The following ZNF512 variants were observed in gnomAD, a reference collection of about 807,000 sequenced individuals.
ZNF512 encodes the protein zinc finger protein 512.
ZNF512 carries 25 observed loss-of-function variants against 77.5 expected under a neutral mutation model. The observed-to-expected ratio is 0.32, with a 90% CI of 0.23 to 0.45. The LOEUF is 0.45. Among genes scored for constraint, ZNF512 ranks in the 20% least tolerant of loss-of-function variants. ZNF512 has a pLI of 1.00. For synonymous variants in ZNF512, 246 were observed against 239.9 expected (o/e 1.03, Z -0.24); for missense variants, 483 against 692.6 (o/e 0.70, Z 3.40).
intron 9 of ZNF512, among the ~76,000 whole-genome samples, chr2:27,604,868 C>A (rs1259362469): frequency 6.6e-6 from 1 of 152,206 alleles, no homozygotes; most frequent in Non-Finnish European, 1.5e-5. Flanking sequence ...CCAGCTACAG[C>A]CTCTGGCAAC....
chr2:27,583,247 C>T, intron 1 of ZNF512, 105 bp downstream of exon 1: 1 of 1,516,472 alleles, frequency 6.6e-7, no homozygotes, highest in Non-Finnish European at 9.2e-7. Context: ...TATCAGAGGC[C>T]ATCGTAGGCC....
intron 2 of ZNF512, 64 bp from the exon 3 acceptor site, chr2:27,598,003 A>G: frequency 7.3e-7 from 1 of 1,365,342 alleles, no homozygotes; most frequent in Non-Finnish European, 9.8e-7. Flanking sequence ...TTATAATGTA[A>G]AAGAATGTAT....
chr2:27,586,923 A>T (rs1032571627), intron 2 of ZNF512, among the ~76,000 whole-genome samples: 1 of 152,190 alleles, frequency 6.6e-6, no homozygotes, highest in African/African-American at 2.4e-5. Flanking sequence ...ATTGCTGGGT[A>T]GAATTCCATT....
chr2:27,612,660 T>G (rs1160902839), intron 10 of ZNF512, among the ~76,000 whole-genome samples: 1 of 152,232 alleles, frequency 6.6e-6, no homozygotes. Flanking sequence ...GTATATTTAC[T>G]TATTTACTCA....
At chr2:27,617,733 T>A (rs773413472) in intron 13 of ZNF512, among the ~76,000 whole-genome samples, 162 bp downstream of exon 13, 3 of 152,130 alleles carry the variant, frequency 2.0e-5, no homozygotes, top group Non-Finnish European at 4.4e-5. Flanking sequence ...ATAATTGTAT[T>A]TTTCTGTGAA....
intron 2 of ZNF512, among the ~76,000 whole-genome samples, chr2:27,584,855 G>A (rs1434166652): frequency 6.6e-6 from 1 of 152,176 alleles, no homozygotes; most frequent in Non-Finnish European, 1.5e-5. Flanking sequence ...AGACCATGGA[G>A]GACCTGTTAC....
At chr2:27,609,955 C>T (rs566443388) in intron 10 of ZNF512, among the ~76,000 whole-genome samples, 6 of 151,962 alleles carry the variant, frequency 3.9e-5, no homozygotes, top group East Asian at 1.9e-4. Context: ...GCAGGAGAAT[C>T]GTTTGAAACT....
At chr2:27,588,340 TA>T (rs920369704) in intron 2 of ZNF512, among the ~76,000 whole-genome samples, 23 of 151,886 alleles carry the variant, frequency 1.5e-4, no homozygotes, top group African/African-American at 5.3e-4. Flanking sequence ...TAATAATAAT[TA>T]AAAAAAAGAA....
chr2:27,583,835 G>A (rs1298893725), intron 2 of ZNF512, 119 bp downstream of exon 2: 2 of 1,129,298 alleles, frequency 1.8e-6, no homozygotes, highest in Non-Finnish European at 2.4e-6. Context: ...CCACTAACCC[G>A]GTGTGGATTT....
Position 27,583,072 on chromosome 2 carries a change from C to T in ZNF512, c.-41C>T, listed in dbSNP as rs772947998. ...AGAGCGGAAGTGGCGTTGGTCTGGCCGGAGCCCTTGGGTGAAATTGTTAGG... is the reference window on the plus strand; with the variant it reads ...AGAGCGGAAGTGGCGTTGGTCTGGCTGGAGCCCTTGGGTGAAATTGTTAGG... On this transcript the variant is annotated 5_prime_UTR_variant, in exon 1 of 14. Coordinates refer to ENST00000355467, the MANE Select transcript of ZNF512 (RefSeq NM_032434.4). The T allele has an allele frequency of 4.9e-5, 79 of 1,613,630 alleles. No homozygotes were observed. Among genetic ancestry groups the T allele is most frequent in the South Asian group, 6.6e-5 (6 of 91,052 alleles).
In ZNF512 at chr2:27,621,388, A is replaced by C. The variant is rs1286066321; in HGVS notation, c.1631A>C (p.Glu544Ala). ...LVVSASCKEP[E>A]QEPVPAQFQK... ...GTGTCAGCCTCCTGTAAGGAACCAG[A>C]GCAGGAGCCAGTGCCAGCACAGTTC... Residue 544 changes from glutamate (E) to alanine (A), a missense_variant, in exon 14 of 14, where the codon GAG becomes GCG. Around this residue, in one of 2 missense-constraint regions of ZNF512, gnomAD observed 324 missense variants for 525.0 expected, o/e 0.62. Coordinates refer to ENST00000355467, the MANE Select transcript of ZNF512 (RefSeq NM_032434.4). 1 of 1,613,960 alleles carries C rather than the reference A, an allele frequency of 6.2e-7. No homozygotes were observed. Among genetic ancestry groups the C allele is most frequent in the East Asian group, 2.2e-5 (1 of 44,898 alleles).
In ZNF512 at chr2:27,583,585, T is replaced by C; in HGVS notation, c.31-73T>C. On this transcript the variant is annotated intron_variant, in intron 1 of 13. Transcript: ENST00000355467. ...GGGAGAACTTCATTTCTTCTGGGCATAGGGGAATTCGTCTTTTTGTGGTCG... is the reference window on the plus strand; with the variant it reads ...GGGAGAACTTCATTTCTTCTGGGCACAGGGGAATTCGTCTTTTTGTGGTCG... 5 of 1,588,578 alleles carry C rather than the reference T, an allele frequency of 3.1e-6. No individual in the cohort carries two copies. The South Asian group carries it at 4.5e-5, about 14-fold the overall frequency.
intron 9 of ZNF512, among the ~76,000 whole-genome samples, chr2:27,607,523 A>G (rs1358059364): frequency 6.6e-6 from 1 of 152,094 alleles, no homozygotes; most frequent in Admixed American, 6.5e-5. Flanking sequence ...GTGTGCCACC[A>G]TGCCAAGCTA....
intron 11 of ZNF512, 47 bp downstream of exon 11, chr2:27,615,316 T>C: frequency 8.0e-7 from 1 of 1,243,722 alleles, no homozygotes; most frequent in Non-Finnish European, 1.1e-6. Context: ...ATCAAGCATC[T>C]GCTCTTGCTT....
At chr2:27,619,870 A>G (rs890451089) in intron 13 of ZNF512, among the ~76,000 whole-genome samples, 1 of 152,214 alleles carries the variant, frequency 6.6e-6, no homozygotes, top group Non-Finnish European at 1.5e-5. Context: ...TTGAAAACAT[A>G]TGACCACAAA....
chr2:27,621,669 C>G lies in ZNF512; in HGVS notation c.*208C>G, dbSNP rs531810090. 1 of 526,252 alleles carries G rather than the reference C, an allele frequency of 1.9e-6. No individual in the cohort carries two copies. The allele number at this position is 526,252 out of a possible 1,614,324, so 32.6% of individuals were successfully genotyped here. Reference sequence around the variant, plus strand: ...TTTAGTAGGTTTTCCTGCTATTCCTCGTCAAGTCCTCTTGTTTTTTTATCT... The same window carrying G: ...TTTAGTAGGTTTTCCTGCTATTCCTGGTCAAGTCCTCTTGTTTTTTTATCT... On this transcript the variant is annotated 3_prime_UTR_variant, in exon 14 of 14. Transcript: ENST00000355467.
intron 2 of ZNF512, among the ~76,000 whole-genome samples, chr2:27,595,010 T>C (rs1285313044): frequency 6.6e-6 from 1 of 152,002 alleles, no homozygotes. Flanking sequence ...GTGCCTGCAA[T>C]CCCAGGCATT....
chr2:27,592,539 T>C (rs1025816819), intron 2 of ZNF512, among the ~76,000 whole-genome samples: 5 of 151,882 alleles, frequency 3.3e-5, no homozygotes, highest in African/African-American at 1.2e-4. Flanking sequence ...GGTCTCCAAC[T>C]CCTGACCTCA....
At chr2:27,610,582 T>TACACA (rs1558474959) in intron 10 of ZNF512, among the ~76,000 whole-genome samples, 4 of 52,870 alleles carry the variant, frequency 7.6e-5, no homozygotes, top group African/African-American at 1.8e-4. Flanking sequence ...TTTTTTTTTT[T>TACACA]TTTTTTTTTT....
Sources: allele counts gnomAD v4.1 joint callset (sites outside exome capture counted in the v4.1 genomes callset), GRCh38; gene constraint gnomAD v4.1.1; regional missense constraint gnomAD v4.1.1; transcripts MANE v1.5; gene names NCBI Gene and HGNC (gene_info 2026-07-23, HGNC 2026-07-21).